Variants in CREBBP observed in about 807,000 individuals in gnomAD.
The protein encoded by CREBBP is CREB binding lysine acetyltransferase.
A neutral mutation model predicts 265.0 loss-of-function variants in CREBBP; 19 were observed. The ratio of observed to expected loss-of-function variants is 0.07; its 90% CI spans 0.05 to 0.11. CREBBP has a LOEUF of 0.11. CREBBP is among the 10% of genes least tolerant of loss of function. The pLI is 1.00. For missense variants in CREBBP, 2,525 were observed against 3,219.0 expected, an observed-to-expected ratio of 0.78 and a Z score of 5.22; for synonymous variants, 1,457 against 1,223.7, an observed-to-expected ratio of 1.19 and a Z score of -3.98.
Position 3,850,317 on chromosome 16 carries a change from G to T in CREBBP, c.778C>A (p.Gln260Lys). The T allele has an allele frequency of 6.2e-7, 1 of 1,614,222 alleles. No homozygotes were observed. The change falls in exon 2 of 31, where the codon CAG (glutamine) becomes AAG (lysine). Residue 260 changes from glutamine to lysine, a missense_variant. By Grantham distance (53) the Gln-to-Lys change is moderately conservative (BLOSUM62 1). This residue lies in a region of CREBBP where 356 missense variants were observed against 340.4 expected (regional missense o/e 1.05). Coordinates refer to ENST00000262367, the MANE Select transcript of CREBBP (RefSeq NM_004380.3). ...MTGHAGLNTA[Q>K]AGGMAKMGIT... is the part of the protein sequence containing the mutation. ...CTTACCTTGGCCATGCCTCCTGCCT[G>T]TGCGGTGTTCAGTCCCGCGTGACCA...
At position 3,852,035 on chromosome 16, in the gene CREBBP, C is replaced by CAAA. The variant is rs551018184; in HGVS notation, c.86-1029_86-1027dup. 3.7e-3 allele frequency among the ~76,000 whole-genome samples: 41 copies of CAAA among 11,204 alleles called. 13 individuals are homozygous for CAAA. The highest frequency in any genetic ancestry group is 0.017 in the South Asian group (4 of 242). The allele number at this position is 11,204 out of a possible 152,430, so 7.4% of individuals were successfully genotyped here. A position where few individuals can be genotyped will look rare whatever the true frequency, so the allele number is the denominator to read the frequency against. ...CCTGGGCAACAGCGAGACTCCATCT[C>CAAA]AAAAAAAAAAAAAAAAAAAAAAAAA... On this transcript the variant is annotated intron_variant, in intron 1 of 30. Coordinates refer to ENST00000262367, the MANE Select transcript of CREBBP (RefSeq NM_004380.3).
intron 23 of CREBBP, chr16:3,740,923 T>C (rs756272044): frequency 2.1e-4 from 76 of 363,654 alleles, no homozygotes; most frequent in Non-Finnish European, 3.4e-4. Context: ...ACACCCTCAG[T>C]GGGCTCCTCC....
At chr16:3,795,677 G>GC (rs1228241549) in intron 3 of CREBBP, among the ~76,000 whole-genome samples, 1 of 152,146 alleles carries the variant, frequency 6.6e-6, no homozygotes, top group Non-Finnish European at 1.5e-5. Flanking sequence ...AGCTGCCCCT[G>GC]CAAGCATGCA....
intron 24 of CREBBP, among the ~76,000 whole-genome samples, chr16:3,739,984 C>A (rs375747839): frequency 2.0e-5 from 3 of 152,240 alleles, no homozygotes; most frequent in East Asian, 3.8e-4. Context: ...GGCTATACAG[C>A]AGTCCCCCTT....
intron 2 of CREBBP, among the ~76,000 whole-genome samples, chr16:3,845,180 C>T (rs796737262): frequency 4.6e-5 from 7 of 152,198 alleles, no homozygotes; most frequent in African/African-American, 1.7e-4. Flanking sequence ...AATGTTTCTA[C>T]CATATCCCCC....
At chr16:3,814,235 G>GAGACAGAGTCTCGTTC (rs2053994729) in intron 2 of CREBBP, among the ~76,000 whole-genome samples, 2 of 136,296 alleles carry the variant, frequency 1.5e-5, no homozygotes, top group African/African-American at 5.7e-5. Context: ...GTGTGTGTGT[G>GAGACAGAGTCTCGTTC]TGTGTGTGTG....
At chr16:3,814,968 G>A (rs2054010832) in intron 2 of CREBBP, among the ~76,000 whole-genome samples, 1 of 152,204 alleles carries the variant, frequency 6.6e-6, no homozygotes, top group Admixed American at 6.5e-5. Context: ...GCCCAGGCAA[G>A]GCTACCTCCT....
At chr16:3,846,412 T>C (rs1053407443) in intron 2 of CREBBP, among the ~76,000 whole-genome samples, 4 of 152,224 alleles carry the variant, frequency 2.6e-5, no homozygotes, top group Non-Finnish European at 5.9e-5. Context: ...TCTATGCTGA[T>C]TTAAAATCTC....
At chr16:3,837,476 C>T (rs944614208) in intron 2 of CREBBP, among the ~76,000 whole-genome samples, 1 of 151,722 alleles carries the variant, frequency 6.6e-6, no homozygotes, top group Non-Finnish European at 1.5e-5. Context: ...ATCAGGTGGG[C>T]GTGGCGGCAT....
intron 2 of CREBBP, among the ~76,000 whole-genome samples, chr16:3,847,230 T>C (rs777340943): frequency 6.6e-6 from 1 of 152,222 alleles, no homozygotes; most frequent in African/African-American, 2.4e-5. Flanking sequence ...TCTGGTTTCA[T>C]TATGTATTTT....
At chr16:3,730,649 G>A (rs916399009) in intron 30 of CREBBP, 16 of 173,630 alleles carry the variant, frequency 9.2e-5, no homozygotes, top group Admixed American at 2.2e-4. Flanking sequence ...CTGAGGACCC[G>A]CTCTGCCCCG....
chr16:3,734,063 G>A (rs1240034792), intron 28 of CREBBP, among the ~76,000 whole-genome samples: 6 of 152,160 alleles, frequency 3.9e-5, no homozygotes, highest in African/African-American at 1.4e-4. Context: ...TCTGTGTTCT[G>A]GAGCTTTCCC....
At chr16:3,800,142 A>T (rs914047741) in intron 3 of CREBBP, among the ~76,000 whole-genome samples, 2 of 152,172 alleles carry the variant, frequency 1.3e-5, no homozygotes, top group African/African-American at 4.8e-5. Context: ...ATTTTTGGAG[A>T]CAGGGTCTCA....
chr16:3,786,989 T>A (rs538318262), intron 5 of CREBBP, among the ~76,000 whole-genome samples: 4 of 151,226 alleles, frequency 2.6e-5, no homozygotes, highest in Non-Finnish European at 5.9e-5. Context: ...AGGAATCACT[T>A]GAACTAGGGA....
chr16:3,831,926 C>G (rs1035440193), intron 2 of CREBBP, among the ~76,000 whole-genome samples: 4 of 151,330 alleles, frequency 2.6e-5, no homozygotes, highest in African/African-American at 9.7e-5. Context: ...GAACCCAGGA[C>G]GTGGAGGCTG....
intron 23 of CREBBP, chr16:3,741,103 A>G (rs924884319): frequency 3.6e-5 from 6 of 168,380 alleles, no homozygotes; most frequent in African/African-American, 9.6e-5. Context: ...GCACGAATGA[A>G]GTTTCCGAGC....
chr16:3,870,679 C>T (rs1386184142), intron 1 of CREBBP, among the ~76,000 whole-genome samples: 1 of 152,168 alleles, frequency 6.6e-6, no homozygotes, highest in Non-Finnish European at 1.5e-5. Context: ...GCAGAAGCTT[C>T]CCATGTATTC....
Position 3,879,930 on chromosome 16 carries a change from C to A in CREBBP, c.-14G>T. 6.2e-7 allele frequency: 1 copy of A among 1,609,528 alleles called. No individual in the cohort carries two copies. On this transcript the variant is annotated 5_prime_UTR_variant, in exon 1 of 31. Transcript: ENST00000262367. Reference sequence around the variant, plus strand: ...GTTCTCAGCCATTTTCACCTGCTCGCGAAAACAGCCCCGGGCACGGGCGGC... The same window carrying A: ...GTTCTCAGCCATTTTCACCTGCTCGAGAAAACAGCCCCGGGCACGGGCGGC...
In CREBBP at chr16:3,880,390, T is replaced by G. The variant is rs1324768161; in HGVS notation, c.-474A>C. 3 of 124,540 alleles carry G rather than the reference T, an allele frequency of 2.4e-5. No individual in the cohort carries two copies. The highest frequency in any genetic ancestry group is 5.1e-5 in the Non-Finnish European group (3 of 58,628). The allele number at this position is 124,540 out of a possible 1,614,324, so 7.7% of individuals were successfully genotyped here. A position where few individuals can be genotyped will look rare whatever the true frequency, so the allele number is the denominator to read the frequency against. On this transcript the variant is annotated 5_prime_UTR_variant, in exon 1 of 31. Coordinates refer to ENST00000262367, the MANE Select transcript of CREBBP (RefSeq NM_004380.3). Reference sequence around the variant, plus strand: ...ACGACGAGGGGGCTCCGGGCTCCGCTCCCGGCCCGCGGCCCGCCGCCGCCG... The same window carrying G: ...ACGACGAGGGGGCTCCGGGCTCCGCGCCCGGCCCGCGGCCCGCCGCCGCCG...
Sources: gnomAD v4.1 joint callset for allele counts (sites outside exome capture counted in the v4.1 genomes callset) on GRCh38, gnomAD v4.1.1 for gene constraint, gnomAD v4.1.1 regional missense constraint, MANE v1.5 for transcripts, NCBI Gene and HGNC (gene_info 2026-07-23, HGNC 2026-07-21) for gene names.